ROR1: variants seen among roughly 807,000 people sequenced by gnomAD.
ROR1 encodes inactive tyrosine-protein kinase transmembrane receptor ROR1.
A neutral mutation model predicts 78.8 loss-of-function variants in ROR1; 19 were observed. The ratio of observed to expected loss-of-function variants is 0.24; its 90% CI spans 0.17 to 0.35. The LOEUF is 0.35. Ranked by LOEUF, ROR1 falls within the 10% of genes least tolerant of loss-of-function variation. The pLI is 1.00. For synonymous variants in ROR1, 386 were observed against 433.6 expected (o/e 0.89, Z 1.36); for missense variants, 917 against 1,177.8 (o/e 0.78, Z 3.24).
intron 4 of ROR1, among the ~76,000 whole-genome samples, chr1:64,123,782 A>G (rs1385197265): frequency 6.6e-6 from 1 of 152,202 alleles, no homozygotes; most frequent in Non-Finnish European, 1.5e-5. Flanking sequence ...TGGTAGAAAT[A>G]TAAGTCATAA....
At chr1:63,979,282 T>G (rs1646189000) in intron 1 of ROR1, among the ~76,000 whole-genome samples, 1 of 152,104 alleles carries the variant, frequency 6.6e-6, no homozygotes, top group Admixed American at 6.6e-5. Flanking sequence ...CAAATAAACT[T>G]CCAAAGAAGA....
intron 1 of ROR1, among the ~76,000 whole-genome samples, chr1:63,863,349 G>A (rs1645193313): frequency 6.6e-6 from 1 of 152,184 alleles, no homozygotes; most frequent in Non-Finnish European, 1.5e-5. Flanking sequence ...CTAGTGAAAG[G>A]AGGTAAATGA....
intron 4 of ROR1, among the ~76,000 whole-genome samples, chr1:64,131,797 T>G (rs1445737930): frequency 6.6e-6 from 1 of 152,070 alleles, no homozygotes; most frequent in African/African-American, 2.4e-5. Flanking sequence ...TCATTTTTAA[T>G]TTTGTAGACA....
chr1:64,026,135 C>T (rs1003074093), intron 2 of ROR1, among the ~76,000 whole-genome samples: 4 of 151,812 alleles, frequency 2.6e-5, no homozygotes, highest in Non-Finnish European at 4.4e-5. Context: ...TATGTTGAGC[C>T]AACTTGTCTT....
intron 2 of ROR1, among the ~76,000 whole-genome samples, chr1:64,025,765 T>C (rs1646603864): frequency 6.6e-6 from 1 of 152,108 alleles, no homozygotes; most frequent in Non-Finnish European, 1.5e-5. Flanking sequence ...AACACAGGAA[T>C]GGAAAACTAA....
intron 1 of ROR1, among the ~76,000 whole-genome samples, chr1:63,949,449 C>A (rs1188519852): frequency 1.3e-5 from 2 of 152,140 alleles, no homozygotes; most frequent in African/African-American, 2.4e-5. Context: ...AATAATGTTT[C>A]TGTAGAAACC....
rs762201037 is a variant in ROR1 at position 64,140,117 on chromosome 1, A to T, written c.619A>T (p.Thr207Ser). The T allele has an allele frequency of 6.2e-7, 1 of 1,610,884 alleles. No homozygotes were observed. Among genetic ancestry groups the T allele is most frequent in the African/African-American group, 1.3e-5 (1 of 74,868 alleles). ...TTGTGTTTGTTTTCCAGCTGCCTTC[A>T]CTATGATTGGCACTTCCAGTCACTT... ...EIENQITAAF[T>S]MIGTSSHLSD... The change falls in exon 6 of 9, where the codon ACT becomes TCT. Residue 207 changes from threonine to serine, a missense_variant. This residue lies in a region of ROR1 where 835 missense variants were observed against 1,069.8 expected (regional missense o/e 0.78). Transcript: ENST00000371079.
chr1:63,951,861 C>A (rs1403833137), intron 1 of ROR1, among the ~76,000 whole-genome samples: 5 of 151,938 alleles, frequency 3.3e-5, no homozygotes, highest in African/African-American at 1.2e-4. Flanking sequence ...GTCTAAGAGC[C>A]TTAAGAAAAA....
intron 1 of ROR1, among the ~76,000 whole-genome samples, chr1:63,921,568 C>T (rs1289039979): frequency 6.6e-6 from 1 of 151,834 alleles, no homozygotes; most frequent in African/African-American, 2.4e-5. Context: ...GAGCTTGGAA[C>T]CTTAAGGCCC....
At chr1:64,083,593 G>C (rs1380927456) in intron 4 of ROR1, among the ~76,000 whole-genome samples, 1 of 133,952 alleles carries the variant, frequency 7.5e-6, no homozygotes, top group Non-Finnish European at 1.6e-5. Context: ...GAGAGAGAGA[G>C]AGAAAAAAAA....
At position 64,178,308 on chromosome 1, in the gene ROR1, C is replaced by G; in HGVS notation, c.2267C>G (p.Thr756Arg). ...TCCTGGGAGGGACTCTCAAGTCACA[C>G]AAGCTCTACTACTCCTTCAGGGGGA... is the stretch of plus-strand genomic sequence containing the variant. ...LRSWEGLSSH[T>R]SSTTPSGGNA... Residue 756 changes from threonine (T) to arginine (R), a missense_variant, in exon 9 of 9, where the codon ACA (threonine) becomes AGA (arginine). Thr to Arg is a moderately conservative substitution (Grantham distance 71). Transcript: ENST00000371079. This position sits in a 1 kb window ranked among gnomAD's most constrained non-coding sequence, Gnocchi z 4.3. 6.2e-7 allele frequency: 1 copy of G among 1,614,140 alleles called. No individual in the cohort carries two copies. The highest frequency in any genetic ancestry group is 1.1e-5 in the South Asian group (1 of 91,078).
intron 4 of ROR1, among the ~76,000 whole-genome samples, chr1:64,069,217 C>T (rs183476535): frequency 6.6e-6 from 1 of 151,798 alleles, no homozygotes; most frequent in Non-Finnish European, 1.5e-5. Flanking sequence ...TGAAAAGGGT[C>T]TCTTTATTAT....
intron 2 of ROR1, among the ~76,000 whole-genome samples, chr1:64,032,658 A>G (rs752590584): frequency 3.9e-5 from 6 of 152,146 alleles, no homozygotes; most frequent in African/African-American, 7.2e-5. Flanking sequence ...TAAGATTGCA[A>G]TGGAGACCAG....
At chr1:64,017,199 C>T (rs1166448892) in intron 2 of ROR1, among the ~76,000 whole-genome samples, 1 of 152,154 alleles carries the variant, frequency 6.6e-6, no homozygotes, top group Admixed American at 6.5e-5. Context: ...AGCCACCACA[C>T]TCAGCCAGGA....
chr1:64,045,558 C>A (rs538493434), intron 2 of ROR1, among the ~76,000 whole-genome samples: 1 of 152,260 alleles, frequency 6.6e-6, no homozygotes, highest in East Asian at 1.9e-4. Context: ...TATCCTACAG[C>A]ATGGACTCTG....
chr1:63,790,840 T>C (rs1644721866), intron 1 of ROR1, among the ~76,000 whole-genome samples: 1 of 152,208 alleles, frequency 6.6e-6, no homozygotes, highest in Non-Finnish European at 1.5e-5. Flanking sequence ...TTTCTCTCAA[T>C]GAGTAGAGGG....
intron 1 of ROR1, among the ~76,000 whole-genome samples, chr1:63,958,480 G>A (rs1428436343): frequency 6.6e-6 from 1 of 152,154 alleles, no homozygotes; most frequent in East Asian, 1.9e-4. Context: ...TGAGTCCCAA[G>A]TGAGAGGAGA....
chr1:63,937,543 G>T (rs1219730657), intron 1 of ROR1, among the ~76,000 whole-genome samples: 1 of 151,684 alleles, frequency 6.6e-6, no homozygotes, highest in East Asian at 1.9e-4. Context: ...TTATACATGT[G>T]TGGTGACCAC....
chr1:63,791,541 C>G (rs1229913489), intron 1 of ROR1, among the ~76,000 whole-genome samples: 1 of 152,084 alleles, frequency 6.6e-6, no homozygotes, highest in East Asian at 1.9e-4. Context: ...TAAGCCAGTT[C>G]CCACCATCCC....
Sources: gnomAD v4.1 joint callset for allele counts (sites outside exome capture counted in the v4.1 genomes callset) on GRCh38, gnomAD v4.1.1 for gene constraint, gnomAD v4.1.1 regional missense constraint, Gnocchi (gnomAD v3.1) non-coding constraint, MANE v1.5 for transcripts, NCBI Gene and HGNC (gene_info 2026-07-23, HGNC 2026-07-21) for gene names.